Variants in KCNMA1 observed in about 807,000 individuals in gnomAD.
KCNMA1 encodes potassium calcium-activated channel subfamily M alpha 1.
Under a neutral mutation model 140.0 loss-of-function variants are expected in KCNMA1, and 29 were observed. The ratio of observed to expected loss-of-function variants is 0.21; its 90% CI spans 0.15 to 0.28. The LOEUF is 0.28. KCNMA1 is among the 10% of genes least tolerant of loss of function. KCNMA1 has a pLI of 1.00. For synonymous variants in KCNMA1, 612 were observed against 611.9 expected (o/e 1.00, Z 0.00); for missense variants, 880 against 1,602.2 (o/e 0.55, Z 7.70).
chr10:76,951,999 A>G, intron 21 of KCNMA1: 1 of 1,543,382 alleles, frequency 6.5e-7, no homozygotes, highest in Non-Finnish European at 8.8e-7. Context: ...GTTTTGTTAA[A>G]TGATGTTATT....
At chr10:77,413,965 G>A (rs1171913256) in intron 1 of KCNMA1, among the ~76,000 whole-genome samples, 1 of 152,186 alleles carries the variant, frequency 6.6e-6, no homozygotes, top group Admixed American at 6.5e-5. Flanking sequence ...CTCCACCATT[G>A]AGGCATTTTT....
chr10:77,557,986 G>C (rs1437145341), intron 1 of KCNMA1, among the ~76,000 whole-genome samples: 7 of 152,064 alleles, frequency 4.6e-5, no homozygotes, highest in Admixed American at 2.0e-4. Context: ...AGTCAAAAAA[G>C]GCATTTGGTA....
intron 1 of KCNMA1, among the ~76,000 whole-genome samples, chr10:77,426,540 G>A (rs922858810): frequency 5.3e-5 from 8 of 152,200 alleles, no homozygotes; most frequent in African/African-American, 7.2e-5. Flanking sequence ...GCTAGAGTTC[G>A]TGTTAGTTAA....
chr10:77,073,922 T>C (rs563447109), intron 13 of KCNMA1, among the ~76,000 whole-genome samples: 9 of 152,294 alleles, frequency 5.9e-5, no homozygotes, highest in Middle Eastern at 3.4e-3. Context: ...TATTCAACCC[T>C]TATGTCAGGC....
At chr10:77,321,475 C>CCA (rs60174902) in intron 2 of KCNMA1, among the ~76,000 whole-genome samples, 39,630 of 152,002 alleles carry the variant, frequency 0.26, 6,504 homozygotes, top group Non-Finnish European at 0.38. Context: ...GTCAGTAAAA[C>CCA]CACACACACA....
rs536154711 is a variant in KCNMA1 at position 76,929,680 on chromosome 10, G to A, written c.2903-14631C>T. Among the ~76,000 whole-genome samples, 57 of 152,306 alleles carry A rather than the reference G, an allele frequency of 3.7e-4. 1 individual carries two copies. In the South Asian group the frequency reaches 8.3e-3, roughly 22 times the overall value. On this transcript the variant is annotated intron_variant, in intron 23 of 27. Transcript: ENST00000286628. The stretch of plus-strand genomic sequence containing the variant: ...TGGTGTTTCTCAACTTGGGCTGCAC[G>A]TTGGAATCACCAATGCATGCCTGCA...
chr10:77,181,483 C>G (rs979050917), intron 5 of KCNMA1, among the ~76,000 whole-genome samples: 1 of 152,152 alleles, frequency 6.6e-6, no homozygotes, highest in Non-Finnish European at 1.5e-5. Context: ...CCAAATTTCC[C>G]ATTAATGACC....
At chr10:77,172,784 A>G (rs1209887924) in intron 5 of KCNMA1, among the ~76,000 whole-genome samples, 2 of 152,098 alleles carry the variant, frequency 1.3e-5, no homozygotes, top group Non-Finnish European at 2.9e-5. Flanking sequence ...TGGGTAATTT[A>G]TAAACAACAG....
At chr10:77,099,404 T>C (rs61866989) in intron 9 of KCNMA1, among the ~76,000 whole-genome samples, 9,632 of 152,198 alleles carry the variant, frequency 0.063, 400 homozygotes, top group Non-Finnish European at 0.091. Flanking sequence ...CTCTGTAGAC[T>C]CAACATACTT....
intron 2 of KCNMA1, among the ~76,000 whole-genome samples, chr10:77,261,974 C>G (rs538544742): frequency 5.8e-4 from 89 of 152,248 alleles, no homozygotes; most frequent in Middle Eastern, 3.4e-3. Context: ...TCTTCTGTAG[C>G]GTAGTCAGGT....
intron 2 of KCNMA1, among the ~76,000 whole-genome samples, chr10:77,283,290 C>T (rs1331928478): frequency 2.6e-5 from 4 of 152,204 alleles, no homozygotes. Context: ...CTACCAATCT[C>T]AGAACTGTCT....
At chr10:76,963,281 C>G (rs143690663) in intron 20 of KCNMA1, among the ~76,000 whole-genome samples, 105 of 152,284 alleles carry the variant, frequency 6.9e-4, no homozygotes, top group Middle Eastern at 3.4e-3. Context: ...ATCAGCATCA[C>G]CTGGAAGTTT....
intron 3 of KCNMA1, among the ~76,000 whole-genome samples, chr10:77,229,941 C>T (rs1484042362): frequency 6.6e-6 from 1 of 152,102 alleles, no homozygotes; most frequent in African/African-American, 2.4e-5. Context: ...AATTCCACTC[C>T]TATGCATATA....
intron 2 of KCNMA1, among the ~76,000 whole-genome samples, chr10:77,291,060 T>A (rs2073065571): frequency 6.6e-6 from 1 of 152,152 alleles, no homozygotes; most frequent in Admixed American, 6.6e-5. Context: ...AGCACACACA[T>A]ATGCCCCACG....
At chr10:77,309,967 G>T (rs1476786534) in intron 2 of KCNMA1, among the ~76,000 whole-genome samples, 1 of 152,178 alleles carries the variant, frequency 6.6e-6, no homozygotes, top group Non-Finnish European at 1.5e-5. Flanking sequence ...CTCTCTTCCA[G>T]CCTGGATAAA....
At chr10:77,591,786 C>A (rs1567744722) in intron 1 of KCNMA1, among the ~76,000 whole-genome samples, 1 of 152,188 alleles carries the variant, frequency 6.6e-6, no homozygotes, top group African/African-American at 2.4e-5. Flanking sequence ...GCCCAGGATG[C>A]CACAGCAAGT....
chr10:76,883,732 T>G (rs1433914958), downstream of KCNMA1, among the ~76,000 whole-genome samples: 1 of 150,716 alleles, frequency 6.6e-6, no homozygotes, highest in Non-Finnish European at 1.5e-5. Context: ...TTTTTTTTTT[T>G]TTTTTTTTTG....
chr10:76,964,145 C>G (rs1278802851), intron 20 of KCNMA1, among the ~76,000 whole-genome samples: 1 of 151,900 alleles, frequency 6.6e-6, no homozygotes, highest in Admixed American at 6.6e-5. Context: ...CCACTGCCCA[C>G]CACCCTCTCC....
At chr10:77,296,048 A>C (rs981291169) in intron 2 of KCNMA1, among the ~76,000 whole-genome samples, 1 of 152,146 alleles carries the variant, frequency 6.6e-6, no homozygotes, top group Non-Finnish European at 1.5e-5. Context: ...AATGACCCTC[A>C]AAGATGCCAG....
Sources: gnomAD v4.1 joint callset for allele counts (sites outside exome capture counted in the v4.1 genomes callset) on GRCh38, gnomAD v4.1.1 for gene constraint, MANE v1.5 for transcripts, NCBI Gene and HGNC (gene_info 2026-07-23, HGNC 2026-07-21) for gene names.